The following C12orf50 variants were observed in gnomAD, a reference collection of about 807,000 sequenced individuals.
C12orf50 encodes uncharacterized protein C12orf50.
In C12orf50, 35 loss-of-function variants were observed where a neutral mutation model predicts 61.6. The observed-to-expected ratio is 0.57, with a 90% CI of 0.43 to 0.75. The LOEUF (loss-of-function observed/expected upper bound fraction) is 0.75, where lower values mean the gene tolerates loss of function less well. Ranked by LOEUF, C12orf50 falls within the 30% of genes least tolerant of loss-of-function variation. The pLI, the probability that C12orf50 is intolerant of heterozygous loss-of-function variation, is 0.00. For synonymous variants in C12orf50, 178 were observed against 161.5 expected, an observed-to-expected ratio of 1.10 and a Z score of -0.77; for missense variants, 475 against 488.5, an observed-to-expected ratio of 0.97 and a Z score of 0.26.
At chr12:88,023,960 A>G (rs1236448644) in intron 3 of C12orf50, among the ~76,000 whole-genome samples, 1 of 152,172 alleles carries the variant, frequency 6.6e-6, no homozygotes, top group East Asian at 1.9e-4. Context: ...ACTTCATTAA[A>G]AAGTGGGAAA....
chr12:87,992,927 C>T (rs1214712701), intron 7 of C12orf50, among the ~76,000 whole-genome samples: 1 of 151,942 alleles, frequency 6.6e-6, no homozygotes, highest in Non-Finnish European at 1.5e-5. Flanking sequence ...ATCTTCATTT[C>T]AAAGATGTCT....
intron 1 of C12orf50, among the ~76,000 whole-genome samples, chr12:88,027,336 A>G (rs903213823): frequency 6.6e-6 from 1 of 152,214 alleles, no homozygotes; most frequent in Admixed American, 6.5e-5. Context: ...GTTAATCCAT[A>G]TGGTTCACTA....
intron 3 of C12orf50, among the ~76,000 whole-genome samples, chr12:88,018,207 G>A (rs548192369): frequency 8.5e-4 from 130 of 152,328 alleles, no homozygotes; most frequent in Non-Finnish European, 1.4e-3. Flanking sequence ...GCTGTGTGCA[G>A]CCTATGGACT....
In C12orf50 at chr12:87,994,731, G is replaced by C. The variant is rs746634638; in HGVS notation, c.494C>G (p.Thr165Arg). ...GSELQEGDSL[T>R]VPTKLSQYER... ...ATATTGGCTAAGTTTTGTCGGAACT[G>C]TAAGACTATCTCCTAGAAATAAGAA... Residue 165 changes from threonine (T) to arginine (R), a missense_variant, in exon 7 of 13, where the codon ACA becomes AGA. Thr to Arg is a moderately conservative substitution (Grantham distance 71). Coordinates refer to ENST00000298699, the MANE Select transcript of C12orf50 (RefSeq NM_152589.3). The C allele has an allele frequency of 1.2e-6, 2 of 1,608,344 alleles. No individual in the cohort carries two copies. Among genetic ancestry groups the C allele is most frequent in the Non-Finnish European group, 1.7e-6 (2 of 1,175,346 alleles).
chr12:88,005,576 C>G (rs68136373), intron 3 of C12orf50, among the ~76,000 whole-genome samples: 17,479 of 152,208 alleles, frequency 0.11, 1,330 homozygotes, highest in African/African-American at 0.21. Flanking sequence ...AAGCTTTGAG[C>G]CCAATCTTTC....
intron 3 of C12orf50, among the ~76,000 whole-genome samples, chr12:88,008,495 C>CA (rs2031977539): frequency 6.6e-6 from 1 of 151,968 alleles, no homozygotes; most frequent in South Asian, 2.1e-4. Context: ...GCTTGATTCC[C>CA]ATGTCTTTGC....
At chr12:87,988,782 C>A (rs979956996) in intron 8 of C12orf50, among the ~76,000 whole-genome samples, 2 of 152,034 alleles carry the variant, frequency 1.3e-5, no homozygotes, top group African/African-American at 2.4e-5. Flanking sequence ...AGGCACTCAG[C>A]AGAGAGATAA....
In C12orf50 at chr12:87,996,496, C is replaced by T; in HGVS notation, c.368-9G>A. On this transcript the variant is annotated splice_polypyrimidine_tract_variant and intron_variant, in intron 5 of 12. Transcript: ENST00000298699. ...AAATCTGTAGTATTCCCCTAATCAA[C>T]CATAAGAAAAGTAATGGTTAGTATA... 2 of 1,603,626 alleles carry T rather than the reference C, an allele frequency of 1.2e-6. No individual in the cohort carries two copies. The highest frequency in any genetic ancestry group is 2.2e-5 in the East Asian group (1 of 44,676).
chr12:87,983,617 A>G (rs1413443299), intron 11 of C12orf50: 1 of 151,032 alleles, frequency 6.6e-6, no homozygotes, highest in Admixed American at 6.6e-5. Flanking sequence ...TTCAATTCCC[A>G]TCTATGAGTG....
intron 3 of C12orf50, among the ~76,000 whole-genome samples, chr12:88,018,602 C>T (rs895220625): frequency 1.3e-5 from 2 of 152,166 alleles, no homozygotes; most frequent in African/African-American, 2.4e-5. Flanking sequence ...CAGCTTGCAC[C>T]GTGTGCCTGG....
chr12:88,029,830 A>G (rs2032831721), upstream of C12orf50, among the ~76,000 whole-genome samples: 1 of 152,210 alleles, frequency 6.6e-6, no homozygotes, highest in Non-Finnish European at 1.5e-5. Context: ...ATTGTGATAT[A>G]TTAATAGGTA....
chr12:87,993,312 C>T (rs548836414), intron 7 of C12orf50, among the ~76,000 whole-genome samples: 7 of 152,250 alleles, frequency 4.6e-5, no homozygotes, highest in African/African-American at 1.7e-4. Context: ...AAAAAGCTAT[C>T]TGATTTAATG....
rs183737021 is a variant in C12orf50, at chr12:88,006,356, G to A, written c.134-8166C>T. 2.1e-3 allele frequency among the ~76,000 whole-genome samples: 314 copies of A among 152,166 alleles called. 1 individual carries two copies. Among genetic ancestry groups the A allele is most frequent in the African/African-American group, 7.1e-3 (294 of 41,514 alleles). On this transcript the variant is annotated intron_variant, in intron 3 of 12. Coordinates refer to ENST00000298699, the MANE Select transcript of C12orf50 (RefSeq NM_152589.3). ...CCCCAATCACCATTGTTTTCAGAGC[G>A]TCCCTAATCTTAAACTTCCCCACAC...
chr12:88,028,026 C>A (rs2032770905), intron 1 of C12orf50: 2 of 152,176 alleles, frequency 1.3e-5, no homozygotes, highest in Admixed American at 6.5e-5. Flanking sequence ...TTAACTCATA[C>A]TCTCTGTGCT....
chr12:88,029,213 A>G, intron 1 of C12orf50, 127 bp downstream of exon 1: 1 of 713,610 alleles, frequency 1.4e-6, no homozygotes, highest in South Asian at 1.7e-5. Flanking sequence ...ATCAGTGTGT[A>G]AGGGGGAAAA....
In C12orf50 at chr12:87,980,959, A is replaced by G. The variant is rs143157767; in HGVS notation, c.1220-603T>C. ...TGTTGCTCTGTGACCTAGCAGGAAT[A>G]TGTGCAGGAAGAAACATAAGCTAAT... On this transcript the variant is annotated intron_variant, in intron 12 of 12. Coordinates refer to ENST00000298699, the MANE Select transcript of C12orf50 (RefSeq NM_152589.3). Among the ~76,000 whole-genome samples, 1,475 of 152,300 alleles carry G rather than the reference A, an allele frequency of 9.7e-3. 18 individuals are homozygous for G. Among genetic ancestry groups the G allele is most frequent in the African/African-American group, 0.034 (1,421 of 41,552 alleles).
At chr12:88,006,177 A>G (rs981472847) in intron 3 of C12orf50, among the ~76,000 whole-genome samples, 1 of 151,952 alleles carries the variant, frequency 6.6e-6, no homozygotes, top group Admixed American at 6.6e-5. Flanking sequence ...CGGCCTCCCA[A>G]AGTGCTGGGA....
Position 88,026,844 on chromosome 12 carries a change from T to G in C12orf50, c.12+107A>C, listed in dbSNP as rs1474531276. ...AAATTGCAAAATGCCTAAAATCAAA[T>G]AGTAGAAGGAAGAATGATTTCTTCC... On this transcript the variant is annotated intron_variant, in intron 2 of 12. Transcript: ENST00000298699. 3 of 1,479,402 alleles carry G rather than the reference T, an allele frequency of 2.0e-6. No homozygotes were observed. The South Asian group carries it at 4.2e-5, about 20-fold the overall frequency. The allele number at this position is 1,479,402 out of a possible 1,614,324, so 91.6% of individuals were successfully genotyped here. A position where few individuals can be genotyped will look rare whatever the true frequency, so the allele number is the denominator to read the frequency against.
chr12:88,029,129 C>T, intron 1 of C12orf50: 1 of 1,277,986 alleles, frequency 7.8e-7, no homozygotes, highest in Admixed American at 2.4e-5. Context: ...ATTTTCAACT[C>T]TCTTGCTGCT....
Sources: allele counts gnomAD v4.1 joint callset (sites outside exome capture counted in the v4.1 genomes callset), GRCh38; gene constraint gnomAD v4.1.1; transcripts MANE v1.5; gene names NCBI Gene and HGNC (gene_info 2026-07-23, HGNC 2026-07-21).